The following FOXP1 variants were observed in gnomAD, a reference collection of about 807,000 sequenced individuals.
FOXP1 encodes the protein forkhead box protein P1.
In FOXP1, 15 loss-of-function variants were observed where a neutral mutation model predicts 98.2. The observed-to-expected ratio is 0.15, with a 90% CI of 0.10 to 0.24. The LOEUF (loss-of-function observed/expected upper bound fraction) is 0.24, where lower values mean the gene tolerates loss of function less well. Among genes scored for constraint, FOXP1 ranks in the 10% least tolerant of loss-of-function variants. The pLI, the probability that FOXP1 is intolerant of heterozygous loss-of-function variation, is 1.00. For missense variants in FOXP1, 633 were observed against 848.5 expected, an observed-to-expected ratio of 0.75 and a Z score of 3.15; for synonymous variants, 371 against 314.5, an observed-to-expected ratio of 1.18 and a Z score of -1.90.
chr3:71,045,792 C>G (rs1234600296), intron 10 of FOXP1, among the ~76,000 whole-genome samples: 4 of 152,194 alleles, frequency 2.6e-5, no homozygotes, highest in Admixed American at 2.0e-4. Flanking sequence ...GCTTCCCTGA[C>G]TTCACTTGAC....
intron 5 of FOXP1, among the ~76,000 whole-genome samples, chr3:71,249,848 G>C (rs530858851): frequency 6.6e-6 from 1 of 152,206 alleles, no homozygotes; most frequent in Non-Finnish European, 1.5e-5. Flanking sequence ...AGCAGCATCA[G>C]TGTCAACCAG....
At chr3:71,177,561 T>C (rs1346836535) in intron 6 of FOXP1, among the ~76,000 whole-genome samples, 1 of 152,188 alleles carries the variant, frequency 6.6e-6, no homozygotes, top group Non-Finnish European at 1.5e-5. Flanking sequence ...GCTCAGGCTC[T>C]GGAGTCGGGC....
At chr3:71,401,686 T>C (rs2081965546) in intron 3 of FOXP1, among the ~76,000 whole-genome samples, 1 of 152,260 alleles carries the variant, frequency 6.6e-6, no homozygotes, top group Admixed American at 6.5e-5. Context: ...CATCTGGAAC[T>C]GTCTCTGCTC....
intron 4 of FOXP1, among the ~76,000 whole-genome samples, chr3:71,320,801 C>T (rs1014937121): frequency 6.6e-6 from 1 of 152,134 alleles, no homozygotes; most frequent in African/African-American, 2.4e-5. Flanking sequence ...CATCTTTGTT[C>T]CTCTCCCTAC....
intron 4 of FOXP1, among the ~76,000 whole-genome samples, chr3:71,323,515 T>C (rs2075515606): frequency 2.0e-5 from 3 of 152,066 alleles, no homozygotes; most frequent in Non-Finnish European, 2.9e-5. Flanking sequence ...ATAACTTCTG[T>C]CCCAGGGCAA....
chr3:71,413,290 A>ACACACACACACACACACACC (rs371166757), intron 3 of FOXP1, among the ~76,000 whole-genome samples: 3 of 138,520 alleles, frequency 2.2e-5, no homozygotes, highest in South Asian at 2.4e-4. Flanking sequence ...ACACACACAC[A>ACACACACACACACACACACC]CCCAAAACAG....
intron 2 of FOXP1, among the ~76,000 whole-genome samples, chr3:71,537,745 T>C (rs553235709): frequency 2.4e-4 from 36 of 152,324 alleles, no homozygotes; most frequent in African/African-American, 8.7e-4. Flanking sequence ...TTAAAGCTTT[T>C]TGTAGCAACA....
At chr3:71,134,802 C>T (rs1180633638) in intron 6 of FOXP1, among the ~76,000 whole-genome samples, 1 of 152,148 alleles carries the variant, frequency 6.6e-6, no homozygotes, top group Non-Finnish European at 1.5e-5. Context: ...AAAACTTTAA[C>T]TATATAAGCT....
intron 3 of FOXP1, among the ~76,000 whole-genome samples, chr3:71,374,948 ACTACCTGGC>A (rs796389653): frequency 3.3e-5 from 5 of 152,324 alleles, no homozygotes; most frequent in African/African-American, 1.2e-4. Flanking sequence ...GAACAAGAAG[ACTACCTGGC>A]CTTTCACTCT....
intron 13 of FOXP1, among the ~76,000 whole-genome samples, chr3:71,000,695 G>A (rs937144152): frequency 2.6e-5 from 4 of 151,918 alleles, no homozygotes; most frequent in Non-Finnish European, 5.9e-5. Flanking sequence ...CAAAGTGGCC[G>A]CTGAGAGTTG....
intron 2 of FOXP1, among the ~76,000 whole-genome samples, chr3:71,555,891 A>G (rs564056490): frequency 1.3e-5 from 2 of 152,262 alleles, no homozygotes; most frequent in East Asian, 1.9e-4. Flanking sequence ...AGAGTTAAAT[A>G]CTAAAAAAGG....
intron 2 of FOXP1, chr3:71,580,806 G>A: frequency 2.0e-6 from 2 of 985,400 alleles, no homozygotes. Flanking sequence ...AAACCCTTAA[G>A]TCTACGTACA....
chr3:71,213,325 T>A (rs1203371225), intron 5 of FOXP1, among the ~76,000 whole-genome samples: 1 of 152,216 alleles, frequency 6.6e-6, no homozygotes. Flanking sequence ...TCTGCCTATT[T>A]ACATTCAGCA....
chr3:71,114,028 T>C (rs564712381), intron 6 of FOXP1, among the ~76,000 whole-genome samples: 140 of 152,306 alleles, frequency 9.2e-4, no homozygotes, highest in Non-Finnish European at 1.4e-3. Flanking sequence ...GCTTAGAGTT[T>C]AGACACAAAA....
chr3:71,466,581 C>T (rs1452703039), intron 3 of FOXP1, among the ~76,000 whole-genome samples: 2 of 152,204 alleles, frequency 1.3e-5, no homozygotes, highest in South Asian at 2.1e-4. Context: ...TTGTTTTCAG[C>T]GGAATTTTTT....
At chr3:71,343,798 G>C (rs562874856) in intron 4 of FOXP1, among the ~76,000 whole-genome samples, 11 of 152,096 alleles carry the variant, frequency 7.2e-5, no homozygotes, top group African/African-American at 2.7e-4. Context: ...CAATGTGCTG[G>C]GATTACAGGC....
chr3:71,207,896 T>TG (rs1342618493), intron 5 of FOXP1, among the ~76,000 whole-genome samples: 1 of 152,222 alleles, frequency 6.6e-6, no homozygotes, highest in Non-Finnish European at 1.5e-5. Context: ...AAGAGCCACA[T>TG]GCTTGCTTTA....
chr3:71,288,762 A>C (rs1393557877), intron 5 of FOXP1, among the ~76,000 whole-genome samples: 1 of 152,120 alleles, frequency 6.6e-6, no homozygotes, highest in Admixed American at 6.5e-5. Context: ...GGGGTGGGGG[A>C]AAATGTGGTA....
chr3:71,308,748 AATGTGTGTGTGTGTGTGTGT>A (rs1362606642), intron 4 of FOXP1, among the ~76,000 whole-genome samples: 7 of 97,844 alleles, frequency 7.2e-5, no homozygotes, highest in Admixed American at 1.2e-4. Flanking sequence ...ATTCTACCAC[AATGTGTGTGTGTGTGTGTGT>A]GTGTGTGTGT....
Sources: allele counts gnomAD v4.1 joint callset (sites outside exome capture counted in the v4.1 genomes callset), GRCh38; gene constraint gnomAD v4.1.1; transcripts MANE v1.5; gene names NCBI Gene and HGNC (gene_info 2026-07-23, HGNC 2026-07-21).